The following ENOPH1 variants were observed in gnomAD, a reference collection of about 807,000 sequenced individuals.
ENOPH1 encodes the protein enolase-phosphatase E1.
In ENOPH1, 14 loss-of-function variants were observed where a neutral mutation model predicts 31.1. The ratio of observed to expected loss-of-function variants is 0.45; its 90% confidence interval spans 0.30 to 0.70. The LOEUF (loss-of-function observed/expected upper bound fraction) is 0.70, where lower values mean the gene tolerates loss of function less well. Among genes scored for constraint, ENOPH1 ranks in the 30% least tolerant of loss-of-function variants. The pLI, the probability that ENOPH1 is intolerant of heterozygous loss-of-function variation, is 0.09. For missense variants in ENOPH1, 243 were observed against 321.5 expected (o/e 0.76, Z 1.87); for synonymous variants, 127 against 123.2 (o/e 1.03, Z -0.21).
rs1283356587 is a variant in ENOPH1, at chr4:82,436,894, ATCG to A, written c.84+5987_84+5989del. Among the ~76,000 whole-genome samples the A allele has an allele frequency of 2.0e-5, 3 of 152,044 alleles. No homozygotes were observed. In the South Asian group the frequency reaches 6.2e-4, roughly 32 times the overall value. ...ATCCTGCTCTCACACAGAATATGTC[ATCG>A]TCGTCATCATCATCATCATCATCCT... On this transcript the variant is annotated intron_variant, in intron 1 of 5. Transcript: ENST00000273920.
chr4:82,434,106 T>A (rs1384029750), intron 1 of ENOPH1, among the ~76,000 whole-genome samples: 1 of 152,204 alleles, frequency 6.6e-6, no homozygotes, highest in Non-Finnish European at 1.5e-5. Context: ...TTGAACAAGA[T>A]GCCTGGGATT....
At chr4:82,444,473 C>T (rs1031367552) in intron 1 of ENOPH1, among the ~76,000 whole-genome samples, 10 of 152,102 alleles carry the variant, frequency 6.6e-5, no homozygotes, top group East Asian at 3.8e-4. Flanking sequence ...TTTTATTACC[C>T]GTTTTCTTCA....
Position 82,460,154 on chromosome 4 carries a change from C to T in ENOPH1, c.*34C>T. ...TGTTAAGGCAGACCGCCCTGTTCCC[C>T]AGAGTTGTCCCTGTAGTGTCTAGGT... On this transcript the variant is annotated 3_prime_UTR_variant, in exon 6 of 6. Coordinates refer to ENST00000273920, the MANE Select transcript of ENOPH1 (RefSeq NM_021204.5). 6.2e-7 allele frequency: 1 copy of T among 1,612,316 alleles called. No homozygotes were observed. Among genetic ancestry groups the T allele is most frequent in the Non-Finnish European group, 8.5e-7 (1 of 1,178,726 alleles).
At chr4:82,448,179 T>G (rs1165093801) in intron 2 of ENOPH1, among the ~76,000 whole-genome samples, 158 bp downstream of exon 2, 1 of 152,196 alleles carries the variant, frequency 6.6e-6, no homozygotes, top group East Asian at 1.9e-4. Flanking sequence ...GAATTCACAG[T>G]ACATAATTAA....
At chr4:82,442,555 A>G (rs573010045) in intron 1 of ENOPH1, among the ~76,000 whole-genome samples, 9 of 150,554 alleles carry the variant, frequency 6.0e-5, no homozygotes, top group East Asian at 2.0e-4. Flanking sequence ...TCGGCAATCT[A>G]TGATTTTTTT....
intron 2 of ENOPH1, among the ~76,000 whole-genome samples, chr4:82,449,220 A>G (rs192364584): frequency 6.6e-6 from 1 of 152,316 alleles, no homozygotes; most frequent in African/African-American, 2.4e-5. Context: ...AGCCTGGGCT[A>G]CAGAGCAAGA....
At chr4:82,444,395 G>A (rs1209675735) in intron 1 of ENOPH1, among the ~76,000 whole-genome samples, 1 of 151,422 alleles carries the variant, frequency 6.6e-6, no homozygotes, top group East Asian at 1.9e-4. Flanking sequence ...ACTAATTTTT[G>A]TTTTTTTAGT....
At chr4:82,456,395 A>G (rs563613098) in intron 4 of ENOPH1, among the ~76,000 whole-genome samples, 19 of 152,256 alleles carry the variant, frequency 1.2e-4, no homozygotes, top group South Asian at 4.1e-4. Context: ...TTTGACTCCA[A>G]TTGTTTCCAA....
At chr4:82,450,313 A>G (rs1258515247) in intron 2 of ENOPH1, among the ~76,000 whole-genome samples, 2 of 152,246 alleles carry the variant, frequency 1.3e-5, no homozygotes, top group Non-Finnish European at 2.9e-5. Flanking sequence ...AAATGTTATA[A>G]CAAAATGATG....
At chr4:82,453,655 A>G (rs1258537368) in intron 3 of ENOPH1, among the ~76,000 whole-genome samples, 3 of 152,210 alleles carry the variant, frequency 2.0e-5, no homozygotes, top group Non-Finnish European at 4.4e-5. Context: ...GGAAGACTCC[A>G]CTGACATTTT....
At position 82,430,634 on chromosome 4, in the gene ENOPH1, G is replaced by C; in HGVS notation, c.-196G>C. 1 of 576,506 alleles carries C rather than the reference G, an allele frequency of 1.7e-6. No individual in the cohort carries two copies. The highest frequency in any genetic ancestry group is 3.1e-6 in the Non-Finnish European group (1 of 322,822). 35.7% of individuals were successfully genotyped at this position (576,506 alleles called of 1,614,324 possible). A position where few individuals can be genotyped will look rare whatever the true frequency, so the allele number is the denominator to read the frequency against. ...TCCTGCTCACGAGTTCAGGGCTCCTGGGCGGCCGCCTTTTCCAGTTCCAGG... is the reference window on the plus strand; with the variant it reads ...TCCTGCTCACGAGTTCAGGGCTCCTCGGCGGCCGCCTTTTCCAGTTCCAGG... On this transcript the variant is annotated 5_prime_UTR_variant, in exon 1 of 6. Transcript: ENST00000273920.
At chr4:82,458,747 C>A (rs1359717104) in intron 5 of ENOPH1, among the ~76,000 whole-genome samples, 1 of 152,170 alleles carries the variant, frequency 6.6e-6, no homozygotes, top group Non-Finnish European at 1.5e-5. Context: ...TTGCTCAGGG[C>A]AGTCAGGCTA....
intron 1 of ENOPH1, 39 bp downstream of exon 1, chr4:82,430,952 A>G: frequency 6.4e-7 from 1 of 1,569,412 alleles, no homozygotes; most frequent in African/African-American, 1.3e-5. Context: ...ACTTTTCCTT[A>G]AAAACAGTTA....
In ENOPH1 at chr4:82,457,004, C is replaced by A. The variant is rs1368515325; in HGVS notation, c.612C>A (p.Thr204=). 1.9e-6 allele frequency: 3 copies of A among 1,613,820 alleles called. No individual in the cohort carries two copies. The highest frequency in any genetic ancestry group is 2.5e-6 in the Non-Finnish European group (3 of 1,179,940). ...RKIADSIGCS[T]NNILFLTDVT... ...TTGCAGACAGCATTGGGTGCTCAAC[C>A]AACAACATTTTGTTTCTGACAGATG... Residue 204 remains threonine (T), a synonymous_variant, in exon 5 of 6, where the codon ACC becomes ACA. Transcript: ENST00000273920.
intron 1 of ENOPH1, among the ~76,000 whole-genome samples, chr4:82,436,107 A>G (rs566417827): frequency 1.1e-4 from 16 of 152,146 alleles, no homozygotes; most frequent in Non-Finnish European, 2.4e-4. Flanking sequence ...TACCATGGTT[A>G]CTCCCAGTGA....
In ENOPH1 at chr4:82,457,462, C is replaced by T. The variant is rs764439719; in HGVS notation, c.646+424C>T. On this transcript the variant is annotated intron_variant, in intron 5 of 5. Coordinates refer to ENST00000273920, the MANE Select transcript of ENOPH1 (RefSeq NM_021204.5). Reference sequence around the variant, plus strand: ...CCAGGAGGTCGAGGCCGCAGTGAGCCGTGTTTGTGCCACTGCACTCCAGCC... The same window carrying T: ...CCAGGAGGTCGAGGCCGCAGTGAGCTGTGTTTGTGCCACTGCACTCCAGCC... Among the ~76,000 whole-genome samples the T allele has an allele frequency of 9.9e-5, 15 of 152,252 alleles. 1 individual carries two copies. The East Asian group carries it at 2.3e-3, about 24-fold the overall frequency.
chr4:82,455,650 G>T (rs372973859), intron 4 of ENOPH1, among the ~76,000 whole-genome samples: 2 of 152,098 alleles, frequency 1.3e-5, no homozygotes, highest in African/African-American at 2.4e-5. Context: ...GCCGGACGTG[G>T]TGGCGGGCAC....
intron 4 of ENOPH1, among the ~76,000 whole-genome samples, chr4:82,456,193 A>T (rs1272993100): frequency 1.4e-5 from 2 of 139,268 alleles, no homozygotes; most frequent in Non-Finnish European, 3.1e-5. Context: ...TTTTAACTTT[A>T]AAAAAAAAAA....
chr4:82,457,491 G>A (rs1023015119), intron 5 of ENOPH1, among the ~76,000 whole-genome samples: 2 of 152,206 alleles, frequency 1.3e-5, no homozygotes, highest in African/African-American at 4.8e-5. Context: ...TCCAGCCTGG[G>A]TGACAGAGCA....
Sources: gnomAD v4.1 joint callset for allele counts (sites outside exome capture counted in the v4.1 genomes callset) on GRCh38, gnomAD v4.1.1 for gene constraint, MANE v1.5 for transcripts, NCBI Gene and HGNC (gene_info 2026-07-23, HGNC 2026-07-21) for gene names.